The following IRX4 variants were observed in gnomAD, a reference collection of about 807,000 sequenced individuals.
IRX4 encodes iroquois-class homeodomain protein IRX-4.
Under a neutral mutation model 32.0 loss-of-function variants are expected in IRX4, and 22 were observed. The ratio of observed to expected loss-of-function variants is 0.69; its 90% CI spans 0.49 to 0.98. IRX4 has a LOEUF of 0.98. Ranked by LOEUF, IRX4 falls within the 50% of genes least tolerant of loss-of-function variation. The pLI, the probability that IRX4 is intolerant of heterozygous loss-of-function variation, is 0.00. For synonymous variants in IRX4, 379 were observed against 351.7 expected (o/e 1.08, Z -0.87); for missense variants, 840 against 744.2 (o/e 1.13, Z -1.50).
At position 1,878,055 on chromosome 5, in the gene IRX4, C is replaced by A; in HGVS notation, c.1474G>T (p.Ala492Ser). Residue 492 changes from alanine to serine, a missense_variant, in exon 5 of 5, where the codon GCC (alanine) becomes TCC (serine). Around this residue, in one of 3 missense-constraint regions of IRX4, gnomAD observed 585 missense variants for 488.0 expected, o/e 1.20. Transcript: ENST00000231357. Reference protein sequence around the residue: ...TAPLARAFPPAVPQDAPAAGA... With the variant: ...TAPLARAFPPSVPQDAPAAGA... The stretch of plus-strand genomic sequence containing the variant: ...GCAGCTGGGGCGTCCTGGGGCACGG[C>A]AGGCGGAAAGGCGCGGGCCAGGGGT... 1 of 1,512,424 alleles carries A rather than the reference C, an allele frequency of 6.6e-7. No homozygotes were observed. The highest frequency in any genetic ancestry group is 2.0e-5 in the Admixed American group (1 of 49,004). The allele number at this position is 1,512,424 out of a possible 1,614,324, so 93.7% of individuals were successfully genotyped here. A position where few individuals can be genotyped will look rare whatever the true frequency, so the allele number is the denominator to read the frequency against.
chr5:1,882,456 G>A, intron 1 of IRX4, 147 bp downstream of exon 1: 1 of 695,592 alleles, frequency 1.4e-6, no homozygotes, highest in Non-Finnish European at 2.4e-6. Flanking sequence ...TGGGGAGCAG[G>A]GGTTGGGCGT....
chr5:1,882,625 T>A lies in IRX4; in HGVS notation c.23A>T (p.Tyr8Phe). 7.0e-7 allele frequency: 1 copy of A among 1,430,236 alleles called. No individual in the cohort carries two copies. Among genetic ancestry groups the A allele is most frequent in the Non-Finnish European group, 9.1e-7 (1 of 1,094,626 alleles). The allele number at this position is 1,430,236 out of a possible 1,614,324, so 88.6% of individuals were successfully genotyped here. The change falls in exon 1 of 5, where the codon TAC (tyrosine) becomes TTC (phenylalanine). Residue 8 changes from tyrosine (Y) to phenylalanine (F), a missense_variant. Transcript: ENST00000231357. ...TACCTGGGGAGCCGAGGAGTAGGGG[T>A]ATCCAAACTGCGGGTAGGACATGGC... Reference protein sequence around the residue: MSYPQFGYPYSSAPQFLM... With the variant: MSYPQFGFPYSSAPQFLM...
Position 1,882,018 on chromosome 5 carries a change from G to T in IRX4, c.87C>A (p.Ser29=), listed in dbSNP as rs1422757020. Residue 29 remains serine (S), a synonymous_variant, in exon 2 of 5, where the codon TCC becomes TCA. Transcript: ENST00000231357. ...CGGAGTCCGCCAGCGTGCGGCCTCC[G>T]GACTCGCAGCACGTGCTCAGGGAGT... ...ATNSLSTCCE[S]GGRTLADSGP... 1 of 1,548,426 alleles carries T rather than the reference G, an allele frequency of 6.5e-7. No individual in the cohort carries two copies. The highest frequency in any genetic ancestry group is 8.7e-7 in the Non-Finnish European group (1 of 1,147,048).
Position 1,878,179 on chromosome 5 carries a change from G to A in IRX4, c.1350C>T (p.His450=). ...DGVFHDPILR[H]STLNQAWATA... is the part of the protein sequence containing the mutation. ...TGGCCCAGGCCTGGTTCAAAGTGCT[G>A]TGCCTGAGGATGGGGTCGTGGAAGA... The change falls in exon 5 of 5, where the codon CAC becomes CAT. Residue 450 remains histidine, a synonymous_variant. Transcript: ENST00000231357. 1 of 1,589,194 alleles carries A rather than the reference G, an allele frequency of 6.3e-7. No homozygotes were observed. The highest frequency in any genetic ancestry group is 1.1e-5 in the South Asian group (1 of 87,582).
chr5:1,881,549 G>T (rs1735438661), intron 2 of IRX4, among the ~76,000 whole-genome samples: 1 of 151,170 alleles, frequency 6.6e-6, no homozygotes, highest in African/African-American at 2.4e-5. Flanking sequence ...CACGCAGACC[G>T]AATCTGCCAG....
In IRX4 at chr5:1,878,630, G is replaced by C. The variant is rs1300764145; in HGVS notation, c.899C>G (p.Ala300Gly). The change falls in exon 5 of 5, where the codon GCC becomes GGC. Residue 300 changes from alanine to glycine, a missense_variant. Transcript: ENST00000231357. ...CAGAGACATCCGGAGCGCGCCTGAG[G>C]CCTCCTTGACCGGGCCGTCGGGCGC... ...PAAPDGPVKE[A>G]SGALRMSLAA... 1.9e-6 allele frequency: 3 copies of C among 1,582,138 alleles called. No homozygotes were observed. In the East Asian group the frequency reaches 7.1e-5, roughly 37 times the overall value.
chr5:1,880,235 G>A, intron 3 of IRX4: 1 of 990,018 alleles, frequency 1.0e-6, no homozygotes, highest in Non-Finnish European at 1.5e-6. Context: ...GGAGGAGAAA[G>A]CACCCAAGGG....
At chr5:1,885,966 C>T (rs1456405532), upstream of IRX4, among the ~76,000 whole-genome samples, 3 of 151,902 alleles carry the variant, frequency 2.0e-5, no homozygotes, top group African/African-American at 2.4e-5. Context: ...AGTCAGCCGG[C>T]TCCCGGAGTA....
Position 1,879,556 on chromosome 5 carries a change from C to G in IRX4, c.684G>C (p.Glu228Asp), listed in dbSNP as rs369060686. 2.5e-6 allele frequency: 4 copies of G among 1,597,522 alleles called. No individual in the cohort carries two copies. Among genetic ancestry groups the G allele is most frequent in the South Asian group, 2.2e-5 (2 of 90,146 alleles). Reference sequence around the variant, plus strand: ...CCTCCCGCGCCTCCTCCTCGCCCCCCTCCTCCTCCTCGCCCTCCGCGTAGG... The same window carrying G: ...CCTCCCGCGCCTCCTCCTCGCCCCCGTCCTCCTCCTCGCCCTCCGCGTAGG... ...KRPYAEGEEE[E>D]GGEEEAREEP... Residue 228 changes from glutamate to aspartate, a missense_variant, in exon 4 of 5, where the codon GAG (glutamate) becomes GAC (aspartate). Coordinates refer to ENST00000231357, the MANE Select transcript of IRX4 (RefSeq NM_016358.3).
chr5:1,879,893 A>G, intron 3 of IRX4, 61 bp from the exon 4 acceptor site: 2 of 1,602,176 alleles, frequency 1.2e-6, no homozygotes, highest in Non-Finnish European at 8.5e-7. Flanking sequence ...CATCATGGGC[A>G]TAGGGGTGGG....
intron 3 of IRX4, 29 bp from the exon 4 acceptor site, chr5:1,879,861 G>A: frequency 6.2e-7 from 1 of 1,611,436 alleles, no homozygotes; most frequent in Non-Finnish European, 8.5e-7. Flanking sequence ...ATGGGCTCAG[G>A]CTGGGCCCTC....
In IRX4 at chr5:1,879,773, G is replaced by A. The variant is rs763835942; in HGVS notation, c.467C>T (p.Thr156Met). The A allele has an allele frequency of 4.3e-6, 7 of 1,614,074 alleles. No homozygotes were observed. The highest frequency in any genetic ancestry group is 2.7e-5 in the African/African-American group (2 of 74,952). Residue 156 changes from threonine to methionine, a missense_variant, in exon 4 of 5, where the codon ACG becomes ATG. Coordinates refer to ENST00000231357, the MANE Select transcript of IRX4 (RefSeq NM_016358.3). ...RKNATRETTS[T>M]LKAWLQEHRK... ...GTGCTCCTGCAGCCAGGCCTTGAGC[G>A]TGCTGGTGGTCTCGCGCGTGGCGTT...
At position 1,878,488 on chromosome 5, in the gene IRX4, G is replaced by C; in HGVS notation, c.1041C>G (p.Cys347Trp). The change falls in exon 5 of 5, where the codon TGC (cysteine) becomes TGG (tryptophan). Residue 347 changes from cysteine (C) to tryptophan (W), a missense_variant. Around this residue, in one of 3 missense-constraint regions of IRX4, gnomAD observed 585 missense variants for 488.0 expected, o/e 1.20. Coordinates refer to ENST00000231357, the MANE Select transcript of IRX4 (RefSeq NM_016358.3). Reference sequence around the variant, plus strand: ...CCGGCACAAACCCCAGCTTGGCCTCGCAGACCTGAGGGCCGCCCTCTGCGC... The same window carrying C: ...CCGGCACAAACCCCAGCTTGGCCTCCCAGACCTGAGGGCCGCCCTCTGCGC... Reference protein sequence around the residue: ...LPGAEGGPQVCEAKLGFVPAG... With the variant: ...LPGAEGGPQVWEAKLGFVPAG... The C allele has an allele frequency of 1.4e-6, 2 of 1,442,408 alleles. No individual in the cohort carries two copies. The highest frequency in any genetic ancestry group is 1.8e-6 in the Non-Finnish European group (2 of 1,105,032). 89.4% of individuals were successfully genotyped at this position (1,442,408 alleles called of 1,614,324 possible). A position where few individuals can be genotyped will look rare whatever the true frequency, so the allele number is the denominator to read the frequency against.
At position 1,881,902 on chromosome 5, in the gene IRX4, G is replaced by C. The variant is rs751533090; in HGVS notation, c.203C>G (p.Ala68Gly). ...GGGACCCCCATAGACGCCCAGCGCCGCGGCCGAGTTGAGCTCGTGGCGCGC... is the reference window on the plus strand; with the variant it reads ...GGGACCCCCATAGACGCCCAGCGCCCCGGCCGAGTTGAGCTCGTGGCGCGC... ...ATARHELNSA[A>G]ALGVYGGPYG... is the part of the protein sequence containing the mutation. The change falls in exon 2 of 5, where the codon GCG becomes GGG. Residue 68 changes from alanine to glycine, a missense_variant. Physicochemically the swap from Ala to Gly is moderately conservative, Grantham distance 60. Coordinates refer to ENST00000231357, the MANE Select transcript of IRX4 (RefSeq NM_016358.3). 5 of 1,584,952 alleles carry C rather than the reference G, an allele frequency of 3.2e-6. No individual in the cohort carries two copies. The highest frequency in any genetic ancestry group is 8.6e-7 in the Non-Finnish European group (1 of 1,166,486).
chr5:1,878,654 G>A lies in IRX4; in HGVS notation c.875C>T (p.Ala292Val), dbSNP rs775564077. Reference sequence around the variant, plus strand: ...GGCCTCCTTGACCGGGCCGTCGGGCGCGGCGGGGACGCGCTCCAGACCGCC... The same window carrying A: ...GGCCTCCTTGACCGGGCCGTCGGGCACGGCGGGGACGCGCTCCAGACCGCC... ...LDGGLERVPA[A>V]PDGPVKEASG... Residue 292 changes from alanine to valine, a missense_variant, in exon 5 of 5, where the codon GCG becomes GTG. Ala to Val is a moderately conservative substitution (Grantham distance 64, BLOSUM62 0). Transcript: ENST00000231357. 6.4e-7 allele frequency: 1 copy of A among 1,567,230 alleles called. No individual in the cohort carries two copies. Among genetic ancestry groups the A allele is most frequent in the Non-Finnish European group, 8.6e-7 (1 of 1,156,534 alleles).
chr5:1,883,445 T>A (rs917879887), upstream of IRX4, among the ~76,000 whole-genome samples: 3 of 151,938 alleles, frequency 2.0e-5, no homozygotes, highest in Non-Finnish European at 4.4e-5. Context: ...TAATCGAGAA[T>A]CAGCAACGCC....
chr5:1,883,912 C>T (rs1735545132), upstream of IRX4: 1 of 152,312 alleles, frequency 6.6e-6, no homozygotes, highest in Non-Finnish European at 1.5e-5. Flanking sequence ...CCCCGCAGGG[C>T]TGGCTGCGAG....
At chr5:1,883,171 CGGTGTTTCTCTT>C (rs1221685585), upstream of IRX4, among the ~76,000 whole-genome samples, 2 of 152,190 alleles carry the variant, frequency 1.3e-5, no homozygotes, top group Non-Finnish European at 2.9e-5. Flanking sequence ...GCCCAGCGAA[CGGTGTTTCTCTT>C]TAGTCACCCG....
chr5:1,881,668 G>T (rs1735444771), intron 2 of IRX4, 140 bp downstream of exon 2: 6 of 1,075,264 alleles, frequency 5.6e-6, no homozygotes, highest in Non-Finnish European at 8.1e-6. Flanking sequence ...GCTGGGAGGC[G>T]CAAAGTTGAA....
Sources: gnomAD v4.1 joint callset for allele counts (sites outside exome capture counted in the v4.1 genomes callset) on GRCh38, gnomAD v4.1.1 for gene constraint, gnomAD v4.1.1 regional missense constraint, MANE v1.5 for transcripts, NCBI Gene and HGNC (gene_info 2026-07-23, HGNC 2026-07-21) for gene names.